ACYP2: variants seen among roughly 807,000 people sequenced by gnomAD.
ACYP2 encodes acylphosphatase 2.
ACYP2 carries 12 observed loss-of-function variants against 11.2 expected under a neutral mutation model. That is an observed-to-expected ratio of 1.08 (90% CI 0.69 to 1.74). The LOEUF (loss-of-function observed/expected upper bound fraction) is 1.74, where lower values mean the gene tolerates loss of function less well. Ranked by LOEUF, ACYP2 falls within the 40% of genes most tolerant of loss-of-function variation. The pLI is 0.00. For missense variants in ACYP2, 134 were observed against 101.9 expected (o/e 1.31, Z -1.35); for synonymous variants, 43 against 32.2 (o/e 1.33, Z -1.13).
intron 6 of ACYP2, among the ~76,000 whole-genome samples, chr2:54,173,924 G>A (rs1558587239): frequency 6.6e-6 from 1 of 152,122 alleles, no homozygotes; most frequent in Non-Finnish European, 1.5e-5. Flanking sequence ...ATGCTGTTTT[G>A]GTTACTGCAG....
At chr2:54,072,067 C>T (rs1677075898) in intron 4 of ACYP2, among the ~76,000 whole-genome samples, 1 of 151,944 alleles carries the variant, frequency 6.6e-6, no homozygotes, top group South Asian at 2.1e-4. Flanking sequence ...GTAAAGGAAA[C>T]AGTTACATAT....
intron 6 of ACYP2, among the ~76,000 whole-genome samples, chr2:54,190,363 A>G (rs922705467): frequency 1.3e-5 from 2 of 151,100 alleles, no homozygotes; most frequent in Non-Finnish European, 1.5e-5. Context: ...CCTGCTCTTC[A>G]TGTCTAGGAA....
At chr2:54,144,399 G>A (rs183656964) in intron 6 of ACYP2, among the ~76,000 whole-genome samples, 11 of 152,178 alleles carry the variant, frequency 7.2e-5, no homozygotes, top group African/African-American at 1.7e-4. Context: ...AATCTCGGCC[G>A]GTGCGGTGGC....
intron 6 of ACYP2, among the ~76,000 whole-genome samples, chr2:54,250,339 G>A (rs982561634): frequency 6.6e-6 from 1 of 152,154 alleles, no homozygotes; most frequent in Non-Finnish European, 1.5e-5. Context: ...TCGGCGTGGT[G>A]GCGCACGCCT....
At chr2:54,168,033 T>C (rs2103843468) in intron 6 of ACYP2, among the ~76,000 whole-genome samples, 1 of 152,320 alleles carries the variant, frequency 6.6e-6, no homozygotes, top group East Asian at 1.9e-4. Flanking sequence ...TCATTTTTTA[T>C]AAAAATTGCT....
intron 6 of ACYP2, among the ~76,000 whole-genome samples, chr2:54,284,371 C>T (rs1031090741): frequency 9.9e-5 from 15 of 152,166 alleles, no homozygotes; most frequent in African/African-American, 3.6e-4. Flanking sequence ...AGGTGGCCCT[C>T]AAGAGAATCC....
chr2:54,122,215 C>T (rs1264623508), intron 4 of ACYP2, among the ~76,000 whole-genome samples: 1 of 152,180 alleles, frequency 6.6e-6, no homozygotes, highest in Admixed American at 6.5e-5. Context: ...TAGGATTTTA[C>T]ATGAAAAGGT....
intron 4 of ACYP2, among the ~76,000 whole-genome samples, chr2:54,112,049 T>C (rs769398673): frequency 1.9e-4 from 29 of 152,320 alleles, no homozygotes; most frequent in Admixed American, 5.2e-4. Context: ...ATCTATCATA[T>C]GTATTATTGT....
chr2:54,222,549 CAA>C (rs10607204), intron 6 of ACYP2, among the ~76,000 whole-genome samples: 5,571 of 106,552 alleles, frequency 0.052, 265 homozygotes, highest in African/African-American at 0.16. Flanking sequence ...GACTCTGTCT[CAA>C]AAAAAAAAAA....
chr2:53,987,561 A>T (rs1672096037), intron 2 of ACYP2, among the ~76,000 whole-genome samples: 2 of 152,184 alleles, frequency 1.3e-5, no homozygotes, highest in Non-Finnish European at 2.9e-5. Flanking sequence ...AAAAACTGTC[A>T]AACAGTTTTC....
intron 2 of ACYP2, among the ~76,000 whole-genome samples, chr2:54,038,800 T>A (rs1235521278): frequency 2.0e-4 from 21 of 104,358 alleles, no homozygotes; most frequent in Admixed American, 3.2e-4. Flanking sequence ...TCAGAATAGG[T>A]AAAAAAAAAA....
chr2:54,219,428 G>A (rs567527779), intron 6 of ACYP2, among the ~76,000 whole-genome samples: 19 of 152,222 alleles, frequency 1.2e-4, no homozygotes, highest in Non-Finnish European at 2.4e-4. Flanking sequence ...GAATGCCACC[G>A]TGAAGAGTTT....
intron 2 of ACYP2, chr2:54,050,938 A>T (rs898335614): frequency 9.8e-6 from 4 of 406,624 alleles, no homozygotes; most frequent in Non-Finnish European, 1.3e-5. Flanking sequence ...AACTAATTAA[A>T]TTTTTTTCTT....
At chr2:54,137,579 A>G (rs959720690) in intron 5 of ACYP2, among the ~76,000 whole-genome samples, 1 of 152,168 alleles carries the variant, frequency 6.6e-6, no homozygotes, top group African/African-American at 2.4e-5. Context: ...AATGGCCTCC[A>G]GCTCCATTCA....
At chr2:54,293,529 G>C in intron 6 of ACYP2, among the ~76,000 whole-genome samples, 1 of 152,228 alleles carries the variant, frequency 6.6e-6, no homozygotes, top group Middle Eastern at 3.2e-3. Flanking sequence ...AAGACCAAGA[G>C]GTCTCACTGG....
intron 2 of ACYP2, among the ~76,000 whole-genome samples, chr2:53,973,983 T>C (rs1266987227): frequency 6.8e-6 from 1 of 147,568 alleles, no homozygotes; most frequent in Admixed American, 7.0e-5. Context: ...CTCGGCTCAC[T>C]GCAATCTCCG....
intron 6 of ACYP2, among the ~76,000 whole-genome samples, chr2:54,260,564 A>G (rs543685929): frequency 5.8e-4 from 89 of 152,200 alleles, no homozygotes; most frequent in Non-Finnish European, 8.7e-4. Flanking sequence ...GAAGACATAC[A>G]GGATGAGGTC....
intron 6 of ACYP2, among the ~76,000 whole-genome samples, chr2:54,171,651 T>TC (rs1683225294): frequency 6.6e-6 from 1 of 152,218 alleles, no homozygotes. Context: ...AGTTTTTTTT[T>TC]CCTGTAAGAG....
chr2:54,155,737 G>T (rs916452439), intron 6 of ACYP2, among the ~76,000 whole-genome samples: 4 of 152,150 alleles, frequency 2.6e-5, no homozygotes, highest in African/African-American at 9.6e-5. Context: ...TGCTTTTGCT[G>T]CATCCCATAA....
Sources: gnomAD v4.1 joint callset for allele counts (sites outside exome capture counted in the v4.1 genomes callset) on GRCh38, gnomAD v4.1.1 for gene constraint, MANE v1.5 for transcripts, NCBI Gene and HGNC (gene_info 2026-07-23, HGNC 2026-07-21) for gene names.